Variants in TMEM229B observed in about 807,000 individuals in gnomAD.
The protein encoded by TMEM229B is transmembrane protein 229B, also known as chromosome 14 open reading frame 83.
In TMEM229B, 6 loss-of-function variants were observed where a neutral mutation model predicts 13.7. The ratio of observed to expected loss-of-function variants is 0.44; its 90% CI spans 0.24 to 0.86. The LOEUF is 0.86. TMEM229B is among the 40% of genes least tolerant of loss of function. The pLI is 0.23. For synonymous variants in TMEM229B, 107 were observed against 102.1 expected (o/e 1.05, Z -0.29); for missense variants, 170 against 236.0 (o/e 0.72, Z 1.83).
chr14:67,499,768 G>C (rs769356454), intron 1 of TMEM229B, among the ~76,000 whole-genome samples: 1 of 152,056 alleles, frequency 6.6e-6, no homozygotes, highest in Non-Finnish European at 1.5e-5. Context: ...GAGAAGGGCT[G>C]GTTATTTAAT....
Position 67,473,912 on chromosome 14 carries a change from G to T in TMEM229B, c.12C>A (p.Ala4=), listed in dbSNP as rs535835468. 1.5e-5 allele frequency: 24 copies of T among 1,603,498 alleles called. No individual in the cohort carries two copies. In the East Asian group the frequency reaches 2.5e-4, roughly 17 times the overall value. The change falls in exon 3 of 3, where the codon GCC becomes GCA. Residue 4 remains alanine (A), a synonymous_variant. Transcript: ENST00000554480. The surrounding 1 kb of genome is among the most constrained non-coding windows in gnomAD (Gnocchi z 6.5). Reference sequence around the variant, plus strand: ...AGCGGGACAGCGCCGTCAGGGGCTCGGCAGACGCCATGGCGCCGACTGGGG... The same window carrying T: ...AGCGGGACAGCGCCGTCAGGGGCTCTGCAGACGCCATGGCGCCGACTGGGG... MAS[A]EPLTALSRWY...
intron 1 of TMEM229B, among the ~76,000 whole-genome samples, chr14:67,525,420 T>C (rs920072106): frequency 6.6e-6 from 1 of 152,256 alleles, no homozygotes; most frequent in Non-Finnish European, 1.5e-5. Flanking sequence ...TTTAATACTT[T>C]ACTTACTAGT....
chr14:67,486,891 G>C (rs1411829214), intron 2 of TMEM229B, 109 bp downstream of exon 2: 4 of 152,138 alleles, frequency 2.6e-5, no homozygotes, highest in Non-Finnish European at 4.4e-5. Context: ...ACCTTGGATG[G>C]GGAACAGACT....
At chr14:67,488,097 A>G (rs1253964372) in intron 1 of TMEM229B, among the ~76,000 whole-genome samples, 2 of 152,246 alleles carry the variant, frequency 1.3e-5, no homozygotes, top group Non-Finnish European at 2.9e-5. Flanking sequence ...GCCCTCTGGG[A>G]CAGCCCAGCC....
intron 1 of TMEM229B, among the ~76,000 whole-genome samples, chr14:67,501,044 TTAA>T (rs71129826): frequency 0.18 from 25,046 of 137,192 alleles, 2,280 homozygotes; most frequent in African/African-American, 0.2. Context: ...TACTTGGGGG[TTAA>T]TAATAATAAT....
intron 1 of TMEM229B, among the ~76,000 whole-genome samples, chr14:67,523,548 G>A (rs1048908980): frequency 2.0e-5 from 3 of 152,180 alleles, no homozygotes; most frequent in Non-Finnish European, 2.9e-5. Context: ...ATTACCCTGT[G>A]CTCCAAGTAA....
upstream of TMEM229B, among the ~76,000 whole-genome samples, chr14:67,491,659 G>T (rs760168028): frequency 4.8e-4 from 73 of 152,270 alleles, 1 homozygote; most frequent in Middle Eastern, 0.014. Flanking sequence ...ATGCCTAAAG[G>T]CCCACTGGGG....
rs552326055 is a variant in TMEM229B at position 67,473,492 on chromosome 14, G to A, written c.432C>T (p.Phe144=). 6.2e-7 allele frequency: 1 copy of A among 1,614,204 alleles called. No individual in the cohort carries two copies. Among genetic ancestry groups the A allele is most frequent in the East Asian group, 2.2e-5 (1 of 44,878 alleles). The part of the protein sequence containing the change: ...FIIRNTLRLR[F]DKDAEPGEPS... ...GCTCCCCGGGCTCAGCGTCCTTGTC[G>A]AAGCGGAGGCGGAGGGTGTTGCGGA... The change falls in exon 3 of 3, where the codon TTC becomes TTT. Residue 144 remains phenylalanine, a synonymous_variant. Coordinates refer to ENST00000554480, the MANE Select transcript of TMEM229B (RefSeq NM_001348543.2). The surrounding 1 kb of genome is among the most constrained non-coding windows in gnomAD (Gnocchi z 6.5).
chr14:67,507,473 G>C (rs180888955), intron 1 of TMEM229B, among the ~76,000 whole-genome samples: 84 of 152,206 alleles, frequency 5.5e-4, no homozygotes, highest in African/African-American at 1.8e-3. Context: ...GGAGTCCCCA[G>C]GGTCTCGGTC....
At chr14:67,497,502 T>C (rs1378038708) in intron 1 of TMEM229B, among the ~76,000 whole-genome samples, 3 of 152,104 alleles carry the variant, frequency 2.0e-5, no homozygotes, top group Non-Finnish European at 2.9e-5. Context: ...ACACCTGGAA[T>C]GCAATTCCCA....
rs574082681 is a variant in TMEM229B at position 67,501,051 on chromosome 14, T to C, written c.-191-13879A>G. Among the ~76,000 whole-genome samples, 6 of 125,160 alleles carry C rather than the reference T, an allele frequency of 4.8e-5. No homozygotes were observed. The South Asian group carries it at 6.9e-4, about 14-fold the overall frequency. The allele number at this position is 125,160 out of a possible 152,430, so 82.1% of individuals were successfully genotyped here. A position where few individuals can be genotyped will look rare whatever the true frequency, so the allele number is the denominator to read the frequency against. On this transcript the variant is annotated intron_variant, in intron 1 of 2. Transcript: ENST00000357461. The stretch of plus-strand genomic sequence containing the variant: ...TCCAGGTATACTTGGGGGTTAATAA[T>C]AATAATAATAATAATAATAATAATA...
intron 1 of TMEM229B, among the ~76,000 whole-genome samples, chr14:67,509,278 T>G (rs1248408864): frequency 6.6e-6 from 1 of 152,164 alleles, no homozygotes; most frequent in Non-Finnish European, 1.5e-5. Flanking sequence ...GAATCTGTAC[T>G]TCTGTCTCCT....
Position 67,473,884 on chromosome 14 carries a change from A to T in TMEM229B, c.40T>A (p.Tyr14Asn). 1 of 1,610,652 alleles carries T rather than the reference A, an allele frequency of 6.2e-7. No individual in the cohort carries two copies. Among genetic ancestry groups the T allele is most frequent in the Non-Finnish European group, 8.5e-7 (1 of 1,178,678 alleles). ...AAGTAGCCGTGGATGGCATACAGGT[A>T]CCAGCGGGACAGCGCCGTCAGGGGC... is the stretch of plus-strand genomic sequence containing the variant. ...AEPLTALSRW[Y>N]LYAIHGYFCE... The change falls in exon 3 of 3, where the codon TAC becomes AAC. Residue 14 changes from tyrosine to asparagine, a missense_variant. Physicochemically the swap from Tyr to Asn is moderately radical, Grantham distance 143. Coordinates refer to ENST00000554480, the MANE Select transcript of TMEM229B (RefSeq NM_001348543.2). The surrounding 1 kb of genome is among the most constrained non-coding windows in gnomAD (Gnocchi z 6.5).
chr14:67,508,135 C>CAAAAA (rs34715322), intron 1 of TMEM229B, among the ~76,000 whole-genome samples: 9 of 130,616 alleles, frequency 6.9e-5, no homozygotes, highest in Admixed American at 1.5e-4. Flanking sequence ...AACTCCATCT[C>CAAAAA]AAAAAAAAAA....
At chr14:67,519,554 T>G (rs2033258583), upstream of TMEM229B, among the ~76,000 whole-genome samples, 1 of 152,086 alleles carries the variant, frequency 6.6e-6, no homozygotes, top group Admixed American at 6.5e-5. Flanking sequence ...TAAGCCCTAC[T>G]AGGTACTGCA....
chr14:67,516,199 G>T (rs575136183), upstream of TMEM229B, among the ~76,000 whole-genome samples: 1 of 152,268 alleles, frequency 6.6e-6, no homozygotes. Context: ...GCCCCCATTC[G>T]CACGCCAAGC....
intron 2 of TMEM229B, among the ~76,000 whole-genome samples, chr14:67,475,918 T>C (rs530330466): frequency 4.6e-5 from 7 of 152,342 alleles, no homozygotes; most frequent in African/African-American, 4.8e-5. Flanking sequence ...TCCTTGAGGA[T>C]AGTGACTGTT....
At chr14:67,500,573 A>AT (rs529810754) in intron 1 of TMEM229B, among the ~76,000 whole-genome samples, 31,023 of 138,820 alleles carry the variant, frequency 0.22, 3,591 homozygotes, top group African/African-American at 0.28. Flanking sequence ...GTGCATTTGG[A>AT]TTTTTTTTTT....
At chr14:67,503,604 A>G (rs1156494046) in intron 1 of TMEM229B, 1 of 152,196 alleles carries the variant, frequency 6.6e-6, no homozygotes, top group Non-Finnish European at 1.5e-5. Context: ...CTGGAGTCAG[A>G]TTCTTTCCAT....
Sources: gnomAD v4.1 joint callset for allele counts (sites outside exome capture counted in the v4.1 genomes callset) on GRCh38, gnomAD v4.1.1 for gene constraint, Gnocchi (gnomAD v3.1) non-coding constraint, MANE v1.5 for transcripts, NCBI Gene and HGNC (gene_info 2026-07-23, HGNC 2026-07-21) for gene names.